MTMR3: variants seen among roughly 807,000 people sequenced by gnomAD.
The protein encoded by MTMR3 is myotubularin related protein 3.
MTMR3 carries 32 observed loss-of-function variants against 132.4 expected under a neutral mutation model. The ratio of observed to expected loss-of-function variants is 0.24; its 90% CI spans 0.18 to 0.32. MTMR3 has a LOEUF of 0.32. MTMR3 is among the 10% of genes least tolerant of loss of function. The pLI is 1.00. For missense variants in MTMR3, 1,216 were observed against 1,489.6 expected, an observed-to-expected ratio of 0.82 and a Z score of 3.02; for synonymous variants, 556 against 550.3, an observed-to-expected ratio of 1.01 and a Z score of -0.14.
In MTMR3 at chr22:29,933,010, T is replaced by C. The variant is rs577623016; in HGVS notation, c.-137-24026T>C. 4.5e-3 allele frequency among the ~76,000 whole-genome samples: 682 copies of C among 152,232 alleles called. 6 individuals carry two copies. Among genetic ancestry groups the C allele is most frequent in the African/African-American group, 0.016 (644 of 41,534 alleles). ...TTGAGATGGCGTCTTGCTCTGTTGCTCAGGCTGGAGTGCAGTGGTGCGATC... is the reference window on the plus strand; with the variant it reads ...TTGAGATGGCGTCTTGCTCTGTTGCCCAGGCTGGAGTGCAGTGGTGCGATC... On this transcript the variant is annotated intron_variant, in intron 1 of 19. Transcript: ENST00000401950.
chr22:30,029,876 T>C lies in MTMR3; in HGVS notation c.*4075T>C, dbSNP rs951709828. ...ACATTTTCCAGAAAGTTGTTCTAAGTTGAGATTACTGACAAGATTTCTCAA... is the reference window on the plus strand; with the variant it reads ...ACATTTTCCAGAAAGTTGTTCTAAGCTGAGATTACTGACAAGATTTCTCAA... On this transcript the variant is annotated 3_prime_UTR_variant, in exon 20 of 20. Coordinates refer to ENST00000401950, the MANE Select transcript of MTMR3 (RefSeq NM_021090.4). The C allele has an allele frequency of 1.3e-5, 2 of 152,340 alleles. No homozygotes were observed. The highest frequency in any genetic ancestry group is 1.3e-4 in the Admixed American group (2 of 15,280). 9.4% of individuals were successfully genotyped at this position (152,340 alleles called of 1,614,324 possible).
intron 1 of MTMR3, among the ~76,000 whole-genome samples, chr22:29,928,177 T>C (rs1180420003): frequency 1.5e-4 from 22 of 149,032 alleles, no homozygotes; most frequent in African/African-American, 4.7e-4. Flanking sequence ...TTTTCTTTTT[T>C]TTTTTTTTTT....
At chr22:29,999,136 T>A (rs1248041605) in intron 8 of MTMR3, 2 of 187,470 alleles carry the variant, frequency 1.1e-5, no homozygotes, top group Non-Finnish European at 2.2e-5. Flanking sequence ...AATAATATTG[T>A]ATTTGCCTGT....
In MTMR3 at chr22:30,030,026, G is replaced by C. The variant is rs1321320942; in HGVS notation, c.*4225G>C. ...ACTGAAGCCTTGTTCCTCTCGGCTG[G>C]TGTAGAGCTCATCTGCATGTTGTGT... On this transcript the variant is annotated 3_prime_UTR_variant, in exon 20 of 20. Transcript: ENST00000401950. The C allele has an allele frequency of 2.0e-5, 3 of 152,280 alleles. No individual in the cohort carries two copies. The highest frequency in any genetic ancestry group is 2.9e-5 in the Non-Finnish European group (2 of 68,024). The allele number at this position is 152,280 out of a possible 1,614,324, so 9.4% of individuals were successfully genotyped here. A position where few individuals can be genotyped will look rare whatever the true frequency, so the allele number is the denominator to read the frequency against.
chr22:30,025,794 C>T lies in MTMR3; in HGVS notation c.3590C>T (p.Ser1197Phe), dbSNP rs142848782. ...CTGGATAAGCCCATTGCTGCCACTT[C>T]CAACTGAAGCTCAGTGACCTGGGTG... ...LELDKPIAAT[S>F]N Residue 1197 changes from serine to phenylalanine, a missense_variant, in exon 20 of 20, where the codon TCC becomes TTC. Physicochemically the swap from Ser to Phe is radical, Grantham distance 155 (BLOSUM62 -2). Coordinates refer to ENST00000401950, the MANE Select transcript of MTMR3 (RefSeq NM_021090.4). The T allele has an allele frequency of 4.3e-6, 7 of 1,613,904 alleles. No homozygotes were observed. The African/African-American group carries it at 9.3e-5, about 22-fold the overall frequency.
chr22:29,940,306 T>C (rs2065832495), intron 1 of MTMR3, among the ~76,000 whole-genome samples: 1 of 152,110 alleles, frequency 6.6e-6, no homozygotes, highest in Non-Finnish European at 1.5e-5. Flanking sequence ...CTCCCTGCGC[T>C]TGAGAATGTA....
chr22:29,969,278 G>T (rs919224657), intron 2 of MTMR3, among the ~76,000 whole-genome samples: 2 of 152,100 alleles, frequency 1.3e-5, no homozygotes, highest in African/African-American at 2.4e-5. Flanking sequence ...CCTTGCTTCC[G>T]GTTGCTGACA....
chr22:30,023,782 A>G, intron 19 of MTMR3: 1 of 421,886 alleles, frequency 2.4e-6, no homozygotes, highest in Non-Finnish European at 4.3e-6. Context: ...TTGGGTTTTC[A>G]GAGCTATTTA....
intron 7 of MTMR3, chr22:29,994,122 C>G (rs2067015274): frequency 1.0e-6 from 1 of 985,204 alleles, no homozygotes. Context: ...TTAAGTGCCC[C>G]CTATGTGCCA....
chr22:30,022,192 C>G, intron 18 of MTMR3, 53 bp downstream of exon 18: 1 of 1,418,118 alleles, frequency 7.1e-7, no homozygotes, highest in South Asian at 1.2e-5. Flanking sequence ...TTTTGTGGTT[C>G]TTCTCCACCC....
chr22:29,983,274 T>A (rs1274357939), intron 5 of MTMR3: 1 of 152,250 alleles, frequency 6.6e-6, no homozygotes, highest in Non-Finnish European at 1.5e-5. Context: ...AGAACAAGTT[T>A]CTGTTAGAAA....
At chr22:29,900,999 C>CT (rs2064993554) in intron 1 of MTMR3, among the ~76,000 whole-genome samples, 1 of 152,188 alleles carries the variant, frequency 6.6e-6, no homozygotes, top group Middle Eastern at 3.4e-3. Flanking sequence ...AGCCTGTGCT[C>CT]TTTTTTTGTT....
intron 9 of MTMR3, chr22:30,005,021 AG>A (rs2067247019): frequency 1.3e-5 from 2 of 152,236 alleles, no homozygotes; most frequent in African/African-American, 4.8e-5. Context: ...GATGATGTAA[AG>A]GGCACCCATC....
chr22:29,934,669 A>G (rs888236922), intron 1 of MTMR3, among the ~76,000 whole-genome samples: 1 of 152,192 alleles, frequency 6.6e-6, no homozygotes, highest in African/African-American at 2.4e-5. Flanking sequence ...ATCTTGTCCC[A>G]TTATGGTGAG....
intron 1 of MTMR3, among the ~76,000 whole-genome samples, chr22:29,948,754 G>C (rs1349240731): frequency 6.6e-6 from 1 of 150,810 alleles, no homozygotes; most frequent in East Asian, 1.9e-4. Context: ...CTTTCAAAAA[G>C]ATACTGATGT....
intron 2 of MTMR3, among the ~76,000 whole-genome samples, chr22:29,959,164 T>TAAAGATTTCTGAGA (rs2066258101): frequency 6.6e-6 from 1 of 152,198 alleles, no homozygotes; most frequent in Non-Finnish European, 1.5e-5. Context: ...TTTGCTTCTG[T>TAAAGATTTCTGAGA]AAAGATTTCT....
At chr22:29,991,795 C>A in intron 7 of MTMR3, 125 bp downstream of exon 7, 1 of 993,960 alleles carries the variant, frequency 1.0e-6, no homozygotes, top group Non-Finnish European at 1.4e-6. Flanking sequence ...AAGGAGCACC[C>A]AGCAAGTGCG....
At chr22:29,936,156 C>T (rs559120502) in intron 1 of MTMR3, among the ~76,000 whole-genome samples, 2 of 152,222 alleles carry the variant, frequency 1.3e-5, no homozygotes, top group African/African-American at 4.8e-5. Context: ...AGCCTACAAT[C>T]GTAATGTAGA....
At chr22:29,998,961 TG>T (rs2067115780) in intron 8 of MTMR3, 104 bp downstream of exon 8, 1 of 661,040 alleles carries the variant, frequency 1.5e-6, no homozygotes. Context: ...TTATTTGAAA[TG>T]GTTTTATTTA....
Sources: gnomAD v4.1 joint callset for allele counts (sites outside exome capture counted in the v4.1 genomes callset) on GRCh38, gnomAD v4.1.1 for gene constraint, MANE v1.5 for transcripts, NCBI Gene and HGNC (gene_info 2026-07-23, HGNC 2026-07-21) for gene names.